Variants in PAMR1 observed in about 807,000 individuals in gnomAD.
PAMR1 encodes the protein inactive serine protease PAMR1.
A neutral mutation model predicts 81.8 loss-of-function variants in PAMR1; 88 were observed. The observed-to-expected ratio is 1.08, with a 90% CI of 0.91 to 1.28. PAMR1 has a LOEUF of 1.28. PAMR1 is among the 50% of genes most tolerant of loss of function. The pLI, the probability that PAMR1 is intolerant of heterozygous loss-of-function variation, is 0.00. For missense variants in PAMR1, 935 were observed against 919.7 expected (o/e 1.02, Z -0.21); for synonymous variants, 336 against 345.3 (o/e 0.97, Z 0.30).
chr11:35,432,454 C>T lies in PAMR1; in HGVS notation c.2065G>A (p.Val689Ile), dbSNP rs771844070. 1.2e-6 allele frequency: 2 copies of T among 1,614,218 alleles called. No individual in the cohort carries two copies. Among genetic ancestry groups the T allele is most frequent in the Non-Finnish European group, 1.7e-6 (2 of 1,180,036 alleles). Residue 689 changes from valine (V) to isoleucine (I), a missense_variant, in exon 11 of 11, where the codon GTC becomes ATC. Transcript: ENST00000619888. Reference protein sequence around the residue: ...PEPRWHLMGLVSWSYDKTCSH... With the variant: ...PEPRWHLMGLISWSYDKTCSH... Reference sequence around the variant, plus strand: ...CATGTTTTATCATAGCTCCAGCTGACCAGTCCCATCAGATGCCAGCGTGGC... The same window carrying T: ...CATGTTTTATCATAGCTCCAGCTGATCAGTCCCATCAGATGCCAGCGTGGC...
In PAMR1 at chr11:35,513,161, T is replaced by C. The variant is rs138756678; in HGVS notation, c.73+12352A>G. Among the ~76,000 whole-genome samples the C allele has an allele frequency of 8.8e-3, 1,338 of 152,340 alleles. 5 individuals carry two copies. The highest frequency in any genetic ancestry group is 0.02 in the Middle Eastern group (6 of 294). ...AAAGTTTAGGGGAGATATTGTTATA[T>C]TCTGAGATCACTGAAAATGGTTGAT... On this transcript the variant is annotated intron_variant, in intron 1 of 10. Coordinates refer to ENST00000619888, the MANE Select transcript of PAMR1 (RefSeq NM_001001991.3).
At chr11:35,525,484 T>G in intron 1 of PAMR1, 29 bp downstream of exon 1, 1 of 1,599,942 alleles carries the variant, frequency 6.3e-7, no homozygotes, top group Non-Finnish European at 8.6e-7. Flanking sequence ...GGTGTCCTCC[T>G]AGGGTGTCCC....
chr11:35,514,110 C>T (rs1447969888), intron 1 of PAMR1, among the ~76,000 whole-genome samples: 1 of 152,168 alleles, frequency 6.6e-6, no homozygotes, highest in Non-Finnish European at 1.5e-5. Flanking sequence ...TGGACAACCA[C>T]GGACAAGAAA....
chr11:35,463,669 C>T (rs1394156240), intron 6 of PAMR1, among the ~76,000 whole-genome samples: 3 of 152,116 alleles, frequency 2.0e-5, no homozygotes, highest in South Asian at 2.1e-4. Flanking sequence ...GGCCTCAAGG[C>T]GGAGGAGGGG....
intron 3 of PAMR1, among the ~76,000 whole-genome samples, chr11:35,478,168 G>A (rs540830706): frequency 1.3e-5 from 2 of 152,040 alleles, no homozygotes; most frequent in Non-Finnish European, 2.9e-5. Flanking sequence ...TGTGCCTCAG[G>A]CCCCTCCCCA....
intron 1 of PAMR1, among the ~76,000 whole-genome samples, chr11:35,521,709 C>A (rs1213468940): frequency 2.6e-5 from 4 of 152,144 alleles, no homozygotes. Flanking sequence ...GAAACCCTAA[C>A]AAAGTTAGAT....
At chr11:35,458,609 T>C (rs1381870773) in intron 6 of PAMR1, among the ~76,000 whole-genome samples, 3 of 152,170 alleles carry the variant, frequency 2.0e-5, no homozygotes, top group Admixed American at 2.0e-4. Context: ...TCAGCAAAAT[T>C]GATGACTGTC....
chr11:35,513,761 G>C (rs748377041), intron 1 of PAMR1, among the ~76,000 whole-genome samples: 1 of 152,162 alleles, frequency 6.6e-6, no homozygotes, highest in Non-Finnish European at 1.5e-5. Flanking sequence ...AACTACCTGG[G>C]ATGCTTGCTT....
At chr11:35,518,527 C>T (rs914276863) in intron 1 of PAMR1, among the ~76,000 whole-genome samples, 2 of 138,732 alleles carry the variant, frequency 1.4e-5, no homozygotes, top group African/African-American at 5.2e-5. Context: ...GCACTAATTC[C>T]ACTGGATGGT....
chr11:35,500,870 G>GA (rs977877371), intron 1 of PAMR1, among the ~76,000 whole-genome samples: 7 of 151,980 alleles, frequency 4.6e-5, no homozygotes, highest in South Asian at 4.2e-4. Context: ...TATCTAAACA[G>GA]AAAAAATATG....
chr11:35,503,533 A>T (rs1850894613), intron 1 of PAMR1, among the ~76,000 whole-genome samples: 1 of 151,182 alleles, frequency 6.6e-6, no homozygotes, highest in African/African-American at 2.4e-5. Flanking sequence ...ATTTTTTGTG[A>T]CCTCTTTAAT....
intron 1 of PAMR1, among the ~76,000 whole-genome samples, chr11:35,504,078 A>T (rs1850904854): frequency 6.6e-6 from 1 of 152,028 alleles, no homozygotes; most frequent in South Asian, 2.1e-4. Flanking sequence ...GGTTTTTATC[A>T]TGAGGGGATG....
chr11:35,514,351 C>T (rs1047199911), intron 1 of PAMR1, among the ~76,000 whole-genome samples: 1 of 152,218 alleles, frequency 6.6e-6, no homozygotes, highest in Non-Finnish European at 1.5e-5. Flanking sequence ...CATACATGGC[C>T]TTTTCAAGCA....
At chr11:35,523,234 C>T (rs1337825339) in intron 1 of PAMR1, among the ~76,000 whole-genome samples, 2 of 152,194 alleles carry the variant, frequency 1.3e-5, no homozygotes, top group Non-Finnish European at 2.9e-5. Flanking sequence ...TTTCCTTTCT[C>T]GGCTGGCTTT....
rs764912699 is a variant in PAMR1 at position 35,467,472 on chromosome 11, T to A, written c.820+529A>T. Among the ~76,000 whole-genome samples, 4 of 152,306 alleles carry A rather than the reference T, an allele frequency of 2.6e-5. No individual in the cohort carries two copies. The East Asian group carries it at 7.7e-4, about 29-fold the overall frequency. ...GGTAACCAAGGCCTTATATAAGACA[T>A]GTGTTAAAACATGACCATATAGTTT... On this transcript the variant is annotated intron_variant, in intron 6 of 10. Coordinates refer to ENST00000619888, the MANE Select transcript of PAMR1 (RefSeq NM_001001991.3).
intron 6 of PAMR1, among the ~76,000 whole-genome samples, chr11:35,447,114 T>C (rs1326131727): frequency 6.6e-6 from 1 of 152,188 alleles, no homozygotes; most frequent in East Asian, 1.9e-4. Context: ...TTGATATTGT[T>C]GGTTTAAAGT....
Position 35,434,647 on chromosome 11 carries a change from GC to G in PAMR1, c.1490del (p.Arg497ProfsTer18). The G allele has an allele frequency of 3.1e-6, 5 of 1,614,110 alleles. No individual in the cohort carries two copies. Among genetic ancestry groups the G allele is most frequent in the Non-Finnish European group, 4.2e-6 (5 of 1,180,042 alleles). ...LVCSGALVNE[R>X]TVVVAAHCVT... ...CACAGTGGGCAGCCACCACCACAGT[GC>G]GCTCATTCACCAGGGCACCGCTGCA... is the stretch of plus-strand genomic sequence containing the variant. On this transcript the variant is annotated frameshift_variant, in exon 10 of 11. Transcript: ENST00000619888. LOFTEE classifies it high-confidence loss of function.
intron 3 of PAMR1, among the ~76,000 whole-genome samples, chr11:35,485,814 A>G (rs991422187): frequency 2.6e-4 from 39 of 152,154 alleles, no homozygotes; most frequent in African/African-American, 9.4e-4. Flanking sequence ...AAAAATGCCC[A>G]GGCTCTTCAG....
At chr11:35,459,598 A>T (rs947815889) in intron 6 of PAMR1, among the ~76,000 whole-genome samples, 1 of 152,170 alleles carries the variant, frequency 6.6e-6, no homozygotes, top group Non-Finnish European at 1.5e-5. Flanking sequence ...AGCCTTGGGG[A>T]TGAAGAGAAT....
Sources: allele counts gnomAD v4.1 joint callset (sites outside exome capture counted in the v4.1 genomes callset), GRCh38; gene constraint gnomAD v4.1.1; transcripts MANE v1.5; gene names NCBI Gene and HGNC (gene_info 2026-07-23, HGNC 2026-07-21).